DERL2: variants seen among roughly 807,000 people sequenced by gnomAD.
The protein encoded by DERL2 is derlin-2.
A neutral mutation model predicts 32.0 loss-of-function variants in DERL2; 13 were observed. The ratio of observed to expected loss-of-function variants is 0.41; its 90% confidence interval spans 0.26 to 0.65. The LOEUF is 0.65. Ranked by LOEUF, DERL2 falls within the 30% of genes least tolerant of loss-of-function variation. The pLI, the probability that DERL2 is intolerant of heterozygous loss-of-function variation, is 0.35. For missense variants in DERL2, 208 were observed against 296.3 expected (o/e 0.70, Z 2.19); for synonymous variants, 111 against 104.7 (o/e 1.06, Z -0.37).
Position 5,472,475 on chromosome 17 carries a change from A to C in DERL2, c.*2209T>G, listed in dbSNP as rs1284331807. 8 of 152,352 alleles carry C rather than the reference A, an allele frequency of 5.3e-5. No homozygotes were observed. The East Asian group carries it at 1.5e-3, about 29-fold the overall frequency. 9.4% of individuals were successfully genotyped at this position (152,352 alleles called of 1,614,324 possible). The stretch of plus-strand genomic sequence containing the variant: ...CTGATGAGAGGTGATTGAAATTACC[A>C]CTGCTCAGGACACAGTGTAGTCAGT... On this transcript the variant is annotated 3_prime_UTR_variant, in exon 7 of 7. Transcript: ENST00000158771.
In DERL2 at chr17:5,471,657, G is replaced by A. The variant is rs1905132529; in HGVS notation, c.*3027C>T. ...AGGGGCTTACTAAGAAGTCACTGTG[G>A]ATTTCTGAGCAGAGGAGTGACTTGA... On this transcript the variant is annotated 3_prime_UTR_variant, in exon 7 of 7. Coordinates refer to ENST00000158771, the MANE Select transcript of DERL2 (RefSeq NM_016041.5). 1.3e-5 allele frequency: 2 copies of A among 152,190 alleles called. No individual in the cohort carries two copies. Among genetic ancestry groups the A allele is most frequent in the African/African-American group, 4.8e-5 (2 of 41,438 alleles). The allele number at this position is 152,190 out of a possible 1,614,324, so 9.4% of individuals were successfully genotyped here.
chr17:5,485,347 T>A, intron 1 of DERL2, 131 bp from the exon 2 acceptor site: 1 of 584,840 alleles, frequency 1.7e-6, no homozygotes, highest in Non-Finnish European at 3.0e-6. Context: ...GCCTTTCTTC[T>A]TAGGCCAGAG....
chr17:5,477,543 G>T (rs965218575), intron 6 of DERL2, among the ~76,000 whole-genome samples: 2 of 152,252 alleles, frequency 1.3e-5, no homozygotes, highest in East Asian at 3.9e-4. Context: ...AAGGAATTAA[G>T]TATACATATA....
At position 5,472,547 on chromosome 17, in the gene DERL2, C is replaced by T. The variant is rs1179400854; in HGVS notation, c.*2137G>A. 3 of 152,124 alleles carry T rather than the reference C, an allele frequency of 2.0e-5. No homozygotes were observed. The highest frequency in any genetic ancestry group is 2.1e-4 in the South Asian group (1 of 4,832). 9.4% of individuals were successfully genotyped at this position (152,124 alleles called of 1,614,324 possible). A position where few individuals can be genotyped will look rare whatever the true frequency, so the allele number is the denominator to read the frequency against. The stretch of plus-strand genomic sequence containing the variant: ...ACTGGGAACTTGCACCCTATAAAAT[C>T]GGAGAAATCAAAAACCCTGTAACTG... On this transcript the variant is annotated 3_prime_UTR_variant, in exon 7 of 7. Transcript: ENST00000158771.
At chr17:5,486,581 G>A (rs1274020243), upstream of DERL2, 1 of 158,266 alleles carries the variant, frequency 6.3e-6, no homozygotes, top group Non-Finnish European at 1.4e-5. Context: ...TCGGAATTTT[G>A]GGGAGCCAAC....
intron 6 of DERL2, among the ~76,000 whole-genome samples, chr17:5,477,332 T>G (rs1905459562): frequency 6.6e-6 from 1 of 152,118 alleles, no homozygotes; most frequent in Non-Finnish European, 1.5e-5. Context: ...AAAACCAGAA[T>G]AGCAATTGCT....
intron 6 of DERL2, among the ~76,000 whole-genome samples, chr17:5,478,307 T>G (rs919849942): frequency 6.6e-6 from 1 of 152,136 alleles, no homozygotes; most frequent in East Asian, 1.9e-4. Flanking sequence ...CCCAGGGGCT[T>G]GAGTTAACAG....
At position 5,474,884 on chromosome 17, in the gene DERL2, T is replaced by C. The variant is rs1905289361; in HGVS notation, c.615-95A>G. 3 of 745,426 alleles carry C rather than the reference T, an allele frequency of 4.0e-6. No homozygotes were observed. Among genetic ancestry groups the C allele is most frequent in the East Asian group, 2.9e-5 (1 of 34,550 alleles). The allele number at this position is 745,426 out of a possible 1,614,324, so 46.2% of individuals were successfully genotyped here. Reference sequence around the variant, plus strand: ...TCAGGCCCCATAGGGTTTCCACCAATAGGTAAGCATTACACCTGCCTGCCA... The same window carrying C: ...TCAGGCCCCATAGGGTTTCCACCAACAGGTAAGCATTACACCTGCCTGCCA... On this transcript the variant is annotated intron_variant, in intron 6 of 6. Transcript: ENST00000158771. The surrounding 1 kb of genome is among the most constrained non-coding windows in gnomAD (Gnocchi z 4.3).
intron 6 of DERL2, among the ~76,000 whole-genome samples, chr17:5,479,271 G>T (rs558546870): frequency 6.6e-6 from 1 of 152,182 alleles, no homozygotes; most frequent in East Asian, 1.9e-4. Context: ...AACAATGGTG[G>T]CCACTGCTAT....
intron 2 of DERL2, among the ~76,000 whole-genome samples, chr17:5,484,002 G>A (rs556955028): frequency 7.9e-5 from 12 of 152,194 alleles, no homozygotes; most frequent in Non-Finnish European, 1.6e-4. Flanking sequence ...CTAGTGAGGA[G>A]ACAAGCATAC....
In DERL2 at chr17:5,480,771, A is replaced by G. The variant is rs1905724550; in HGVS notation, c.328-189T>C. On this transcript the variant is annotated intron_variant, in intron 4 of 6. Transcript: ENST00000158771. ...AATCAGGCAAAAATCTGCTTAGGCT[A>G]AATTATCGAGATTTACAGCTACTTC... 6.2e-6 allele frequency: 3 copies of G among 484,608 alleles called. No homozygotes were observed. The South Asian group carries it at 1.7e-4, about 27-fold the overall frequency. 30.0% of individuals were successfully genotyped at this position (484,608 alleles called of 1,614,324 possible).
At chr17:5,483,739 T>C (rs1905957534) in intron 2 of DERL2, among the ~76,000 whole-genome samples, 1 of 152,218 alleles carries the variant, frequency 6.6e-6, no homozygotes, top group Admixed American at 6.5e-5. Context: ...ATGGAAACTC[T>C]GATGGCAAAT....
chr17:5,473,247 C>G lies in DERL2; in HGVS notation c.*1437G>C, dbSNP rs917813023. The stretch of plus-strand genomic sequence containing the variant: ...GTTAATGAAAGCTGTTTGGAATCAT[C>G]TCTTTCCTAGGGGTGCTCTTTCGAC... On this transcript the variant is annotated 3_prime_UTR_variant, in exon 7 of 7. Transcript: ENST00000158771. 1 of 152,196 alleles carries G rather than the reference C, an allele frequency of 6.6e-6. No individual in the cohort carries two copies. Among genetic ancestry groups the G allele is most frequent in the African/African-American group, 2.4e-5 (1 of 41,444 alleles). The allele number at this position is 152,196 out of a possible 1,614,324, so 9.4% of individuals were successfully genotyped here.
rs749820222 is a variant in DERL2 at position 5,486,108 on chromosome 17, G to A, written c.54C>T (p.Arg18=). ...TGAGGACGCAGGCAGTGGTGTAGGC[G>A]CGGCTGACCGGTGGGATCTGCAGGT... ...LEYLQIPPVS[R]AYTTACVLTT... is the part of the protein sequence containing the mutation. Residue 18 remains arginine (R), a synonymous_variant, in exon 1 of 7, where the codon CGC becomes CGT. Transcript: ENST00000158771. 5.6e-6 allele frequency: 9 copies of A among 1,610,370 alleles called. No individual in the cohort carries two copies. The South Asian group carries it at 7.7e-5, about 14-fold the overall frequency.
intron 6 of DERL2, among the ~76,000 whole-genome samples, chr17:5,478,583 T>C (rs572601569): frequency 6.6e-6 from 1 of 152,316 alleles, no homozygotes; most frequent in South Asian, 2.1e-4. Flanking sequence ...GGCAACAAAA[T>C]AGGAATTCTA....
At chr17:5,476,227 A>G (rs1567609961) in intron 6 of DERL2, among the ~76,000 whole-genome samples, 1 of 152,190 alleles carries the variant, frequency 6.6e-6, no homozygotes, top group Non-Finnish European at 1.5e-5. Flanking sequence ...AGCATCCTCA[A>G]TTTGCACTTA....
upstream of DERL2, chr17:5,486,311 G>A: frequency 5.4e-6 from 3 of 556,692 alleles, no homozygotes; most frequent in Non-Finnish European, 9.3e-6. Flanking sequence ...AATCCGTAGA[G>A]ACCTAAGGAA....
chr17:5,478,916 C>A (rs1168963516), intron 6 of DERL2, among the ~76,000 whole-genome samples: 1 of 152,188 alleles, frequency 6.6e-6, no homozygotes, highest in Non-Finnish European at 1.5e-5. Context: ...ACCCTCTGGG[C>A]TCAAGCAATC....
chr17:5,478,196 TC>T (rs1048185392), intron 6 of DERL2, among the ~76,000 whole-genome samples: 4 of 151,898 alleles, frequency 2.6e-5, no homozygotes, highest in Admixed American at 1.3e-4. Flanking sequence ...AGACCTTGTC[TC>T]CACAAAAAAA....
Sources: allele counts gnomAD v4.1 joint callset (sites outside exome capture counted in the v4.1 genomes callset), GRCh38; gene constraint gnomAD v4.1.1; non-coding constraint Gnocchi (gnomAD v3.1); transcripts MANE v1.5; gene names NCBI Gene and HGNC (gene_info 2026-07-23, HGNC 2026-07-21).